Variants in ZNF438 observed in about 807,000 individuals in gnomAD.
ZNF438 encodes the protein zinc finger protein 438.
In ZNF438, 25 loss-of-function variants were observed where a neutral mutation model predicts 38.0. That is an observed-to-expected ratio of 0.66 (90% confidence interval 0.48 to 0.92). The LOEUF (loss-of-function observed/expected upper bound fraction) is 0.92, where lower values mean the gene tolerates loss of function less well. ZNF438 is among the 40% of genes least tolerant of loss of function. The pLI is 0.00. For synonymous variants in ZNF438, 372 were observed against 364.1 expected (o/e 1.02, Z -0.25); for missense variants, 1,007 against 999.6 (o/e 1.01, Z -0.10).
intron 2 of ZNF438, among the ~76,000 whole-genome samples, chr10:30,931,904 A>C (rs987302950): frequency 6.6e-6 from 1 of 152,230 alleles, no homozygotes; most frequent in Admixed American, 6.5e-5. Context: ...ATTCAGTCTC[A>C]ATCTCTGACC....
At chr10:30,942,909 T>TCCTG (rs2046970264) in intron 1 of ZNF438, among the ~76,000 whole-genome samples, 1 of 152,214 alleles carries the variant, frequency 6.6e-6, no homozygotes, top group Non-Finnish European at 1.5e-5. Flanking sequence ...GAGCGCCCTG[T>TCCTG]CCTGCCTTTT....
intron 2 of ZNF438, among the ~76,000 whole-genome samples, chr10:30,924,879 T>C (rs2135081099): frequency 6.6e-6 from 1 of 152,324 alleles, no homozygotes; most frequent in East Asian, 1.9e-4. Flanking sequence ...AGCTGTAGTT[T>C]AGTTAATATT....
rs114328180 is a variant in ZNF438 at position 30,894,368 on chromosome 10, G to A, written c.-32+14565C>T. On this transcript the variant is annotated intron_variant, in intron 3 of 5. Transcript: ENST00000413025. Reference sequence around the variant, plus strand: ...TTTCCTGCCAGTTCAGGTTCCTACCGTCTTACCAACACCTGGCCTGAGCAC... The same window carrying A: ...TTTCCTGCCAGTTCAGGTTCCTACCATCTTACCAACACCTGGCCTGAGCAC... Among the ~76,000 whole-genome samples, 1,428 of 152,242 alleles carry A rather than the reference G, an allele frequency of 9.4e-3. 21 individuals carry two copies. Among genetic ancestry groups the A allele is most frequent in the African/African-American group, 0.032 (1,324 of 41,544 alleles).
At chr10:30,981,908 G>A (rs1423464076) in intron 1 of ZNF438, among the ~76,000 whole-genome samples, 1 of 151,472 alleles carries the variant, frequency 6.6e-6, no homozygotes, top group Non-Finnish European at 1.5e-5. Context: ...ATATATACTA[G>A]CTATTCTTAT....
intron 1 of ZNF438, among the ~76,000 whole-genome samples, chr10:30,943,224 C>G (rs1307453796): frequency 6.6e-6 from 1 of 151,774 alleles, no homozygotes; most frequent in Non-Finnish European, 1.5e-5. Context: ...TGCAGTTAGT[C>G]ATGTTAAAGA....
At chr10:31,024,525 G>A (rs2133349821) in intron 1 of ZNF438, among the ~76,000 whole-genome samples, 1 of 152,290 alleles carries the variant, frequency 6.6e-6, no homozygotes, top group South Asian at 2.1e-4. Flanking sequence ...CTACTAGGGA[G>A]GCTGAGGCAA....
chr10:30,879,837 C>G (rs1264253166), intron 3 of ZNF438, among the ~76,000 whole-genome samples: 6 of 151,696 alleles, frequency 4.0e-5, no homozygotes, highest in Non-Finnish European at 1.5e-5. Context: ...GAGCTGCAGG[C>G]CAACTTTAAG....
chr10:30,902,848 G>A (rs116218475), intron 3 of ZNF438, among the ~76,000 whole-genome samples: 1,620 of 152,348 alleles, frequency 0.011, 24 homozygotes, highest in African/African-American at 0.032. Context: ...ACCAGGCGCC[G>A]TGCAGCAGCG....
intron 2 of ZNF438, among the ~76,000 whole-genome samples, chr10:30,924,385 G>A (rs901465655): frequency 2.6e-5 from 4 of 152,200 alleles, no homozygotes; most frequent in African/African-American, 9.6e-5. Flanking sequence ...TGAGAAAATA[G>A]GAACTCTAGA....
chr10:30,888,860 A>G (rs527425279), intron 3 of ZNF438, among the ~76,000 whole-genome samples: 30 of 152,260 alleles, frequency 2.0e-4, no homozygotes, highest in Non-Finnish European at 2.5e-4. Context: ...TTTGCAGTAA[A>G]ATTATTTATA....
chr10:30,938,555 C>T (rs889439945), intron 2 of ZNF438, among the ~76,000 whole-genome samples: 8 of 151,962 alleles, frequency 5.3e-5, no homozygotes, highest in South Asian at 2.1e-4. Context: ...GGATTACAGG[C>T]GTGAGCCACC....
intron 3 of ZNF438, among the ~76,000 whole-genome samples, chr10:30,880,581 G>A (rs2039109678): frequency 6.6e-6 from 1 of 151,876 alleles, no homozygotes; most frequent in African/African-American, 2.4e-5. Flanking sequence ...TATTTAAGGA[G>A]GAAATTATAC....
chr10:30,948,717 A>G (rs1260050831), intron 1 of ZNF438, among the ~76,000 whole-genome samples: 2 of 151,712 alleles, frequency 1.3e-5, no homozygotes, highest in Admixed American at 6.6e-5. Context: ...ATAAAAAGAA[A>G]TGAGCAAAGC....
intron 3 of ZNF438, among the ~76,000 whole-genome samples, chr10:30,887,685 G>A (rs560011423): frequency 1.3e-5 from 2 of 152,290 alleles, no homozygotes; most frequent in Admixed American, 1.3e-4. Context: ...ACCGCGCCCG[G>A]CCTAAACTCC....
intron 3 of ZNF438, among the ~76,000 whole-genome samples, chr10:30,888,699 A>G (rs529148183): frequency 6.6e-4 from 101 of 152,332 alleles, no homozygotes; most frequent in Middle Eastern, 3.4e-3. Flanking sequence ...TATAAAGGGC[A>G]TGATCTCATT....
At chr10:30,991,373 T>TA (rs2053475810) in intron 1 of ZNF438, among the ~76,000 whole-genome samples, 4 of 152,214 alleles carry the variant, frequency 2.6e-5, no homozygotes. Flanking sequence ...GCAAAAGTTC[T>TA]ACTCTAGGTG....
At chr10:30,907,838 T>A (rs113376839) in intron 3 of ZNF438, among the ~76,000 whole-genome samples, 32 of 152,168 alleles carry the variant, frequency 2.1e-4, no homozygotes, top group African/African-American at 7.2e-4. Flanking sequence ...TGCACTTTCA[T>A]CTTTATTATT....
intron 1 of ZNF438, among the ~76,000 whole-genome samples, chr10:31,024,699 A>G (rs2056830767): frequency 1.3e-5 from 2 of 152,190 alleles, no homozygotes; most frequent in South Asian, 4.1e-4. Context: ...ACACATATGG[A>G]AAGTCATTTA....
intron 1 of ZNF438, among the ~76,000 whole-genome samples, chr10:30,943,260 T>C (rs781547305): frequency 2.0e-5 from 3 of 152,130 alleles, no homozygotes; most frequent in Non-Finnish European, 4.4e-5. Flanking sequence ...TCTCTATGGT[T>C]AGAAATAGAG....
Sources: allele counts gnomAD v4.1 joint callset (sites outside exome capture counted in the v4.1 genomes callset), GRCh38; gene constraint gnomAD v4.1.1; transcripts MANE v1.5; gene names NCBI Gene and HGNC (gene_info 2026-07-23, HGNC 2026-07-21).